The following RIT2 variants were observed in gnomAD, a reference collection of about 807,000 sequenced individuals.
RIT2 encodes the protein GTP-binding protein Rit2.
Under a neutral mutation model 23.7 loss-of-function variants are expected in RIT2, and 24 were observed. The observed-to-expected ratio is 1.01, with a 90% CI of 0.73 to 1.43. RIT2 has a LOEUF of 1.43. Among genes scored for constraint, RIT2 ranks in the 40% most tolerant of loss-of-function variants. The pLI is 0.00. For synonymous variants in RIT2, 107 were observed against 91.1 expected, an observed-to-expected ratio of 1.17 and a Z score of -0.99; for missense variants, 236 against 266.9, an observed-to-expected ratio of 0.88 and a Z score of 0.81.
chr18:42,863,690 T>A (rs1475192535), intron 4 of RIT2, among the ~76,000 whole-genome samples: 1 of 152,182 alleles, frequency 6.6e-6, no homozygotes, highest in Non-Finnish European at 1.5e-5. Context: ...AGTATATTCA[T>A]TGGAACCTTT....
chr18:43,065,650 T>C (rs1032972624), intron 1 of RIT2, among the ~76,000 whole-genome samples: 2 of 152,122 alleles, frequency 1.3e-5, no homozygotes, highest in African/African-American at 4.8e-5. Flanking sequence ...TCACCTCCTT[T>C]CATTTTATAA....
At chr18:42,808,869 C>T (rs1905760795) in intron 4 of RIT2, among the ~76,000 whole-genome samples, 1 of 152,004 alleles carries the variant, frequency 6.6e-6, no homozygotes. Flanking sequence ...TTACTAGTAA[C>T]AGTTACTAAA....
intron 4 of RIT2, among the ~76,000 whole-genome samples, chr18:42,888,627 G>A (rs534263532): frequency 6.6e-6 from 1 of 151,842 alleles, no homozygotes; most frequent in East Asian, 1.9e-4. Flanking sequence ...CACTGCTGCA[G>A]TATTCACAAT....
intron 2 of RIT2, among the ~76,000 whole-genome samples, chr18:43,004,061 C>T (rs549482050): frequency 2.0e-5 from 3 of 151,830 alleles, no homozygotes; most frequent in South Asian, 2.1e-4. Context: ...TTTCACCTGC[C>T]GAAAACAGTA....
intron 3 of RIT2, among the ~76,000 whole-genome samples, chr18:42,929,866 C>G (rs1018338116): frequency 6.6e-5 from 10 of 152,096 alleles, no homozygotes; most frequent in African/African-American, 2.4e-4. Context: ...ACAGGTGCCC[C>G]AGAGAGAACA....
chr18:43,018,503 G>C (rs547250788), intron 2 of RIT2, among the ~76,000 whole-genome samples: 143 of 151,942 alleles, frequency 9.4e-4, no homozygotes, highest in African/African-American at 3.3e-3. Context: ...TCAAAACAGA[G>C]AGAATTCATA....
chr18:42,765,595 G>A (rs914497799), intron 4 of RIT2, among the ~76,000 whole-genome samples: 1 of 152,162 alleles, frequency 6.6e-6, no homozygotes, highest in Non-Finnish European at 1.5e-5. Flanking sequence ...CCAAGCCCCA[G>A]GGAAAGCAGA....
At chr18:43,066,211 A>G (rs4890423) in intron 1 of RIT2, among the ~76,000 whole-genome samples, 47,815 of 152,000 alleles carry the variant, frequency 0.31, 7,800 homozygotes, top group East Asian at 0.44. Context: ...GTAAGCACAC[A>G]CACTGAAACC....
Position 43,063,346 on chromosome 18 carries a change from A to G in RIT2, c.104-29479T>C, listed in dbSNP as rs149021715. Among the ~76,000 whole-genome samples the G allele has an allele frequency of 7.6e-3, 1,154 of 152,242 alleles. 15 individuals carry two copies. Among genetic ancestry groups the G allele is most frequent in the Middle Eastern group, 0.041 (12 of 294 alleles). On this transcript the variant is annotated intron_variant, in intron 1 of 4. Coordinates refer to ENST00000326695, the MANE Select transcript of RIT2 (RefSeq NM_002930.4). The stretch of plus-strand genomic sequence containing the variant: ...TAGCCTGGTGTGTTGACCAATATTG[A>G]CTAACTTACTTGGCTCCATTGGTGA...
chr18:43,013,240 A>C (rs1023285735), intron 2 of RIT2, among the ~76,000 whole-genome samples: 1 of 151,918 alleles, frequency 6.6e-6, no homozygotes, highest in Non-Finnish European at 1.5e-5. Flanking sequence ...TTGTTTAAAA[A>C]TTGTTATAGT....
chr18:42,808,174 G>A (rs758123211), intron 4 of RIT2, among the ~76,000 whole-genome samples: 28 of 152,228 alleles, frequency 1.8e-4, no homozygotes, highest in South Asian at 6.2e-4. Context: ...CCATTCTCTC[G>A]CCTCAGAGTT....
intron 3 of RIT2, among the ~76,000 whole-genome samples, chr18:42,956,177 AAGGAT>A (rs1568039262): frequency 1.3e-5 from 2 of 152,126 alleles, no homozygotes; most frequent in African/African-American, 4.8e-5. Flanking sequence ...CTTAACATCC[AAGGAT>A]AGATCTACCT....
At chr18:42,844,053 A>G (rs1221243752) in intron 4 of RIT2, among the ~76,000 whole-genome samples, 4 of 152,182 alleles carry the variant, frequency 2.6e-5, no homozygotes, top group Non-Finnish European at 5.9e-5. Context: ...TAACAGGGGT[A>G]TATGTTTTCT....
At chr18:42,923,799 T>C (rs73473632) in intron 3 of RIT2, 36 bp from the exon 4 acceptor site, 34,342 of 1,496,834 alleles carry the variant, frequency 0.023, 733 homozygotes, top group African/African-American at 0.094. Flanking sequence ...GTTATGGGCT[T>C]TCAATATAGC....
intron 4 of RIT2, among the ~76,000 whole-genome samples, chr18:42,813,256 T>G (rs16976955): frequency 6.6e-6 from 1 of 152,158 alleles, no homozygotes; most frequent in African/African-American, 2.4e-5. Flanking sequence ...ATAAACATCA[T>G]TGGTTGAATT....
chr18:42,874,056 G>C (rs1907686214), intron 4 of RIT2, among the ~76,000 whole-genome samples: 1 of 152,152 alleles, frequency 6.6e-6, no homozygotes, highest in African/African-American at 2.4e-5. Context: ...CTGAGAGATG[G>C]AAGGGAGCAA....
At chr18:42,934,038 A>T in intron 3 of RIT2, among the ~76,000 whole-genome samples, 1 of 45,766 alleles carries the variant, frequency 2.2e-5, no homozygotes, top group Non-Finnish European at 5.5e-5. Context: ...AAAAAAAAAA[A>T]GAAAAAAAAA....
chr18:42,963,653 A>T (rs1910143711), intron 3 of RIT2, among the ~76,000 whole-genome samples: 1 of 152,150 alleles, frequency 6.6e-6, no homozygotes, highest in Non-Finnish European at 1.5e-5. Context: ...TGCACTTTGC[A>T]AGGCCAAGGA....
At chr18:43,111,176 G>T (rs1913944106) in intron 1 of RIT2, among the ~76,000 whole-genome samples, 1 of 152,146 alleles carries the variant, frequency 6.6e-6, no homozygotes, top group Non-Finnish European at 1.5e-5. Flanking sequence ...AGATCATTGT[G>T]TCAAGTGAAA....
Sources: allele counts gnomAD v4.1 joint callset (sites outside exome capture counted in the v4.1 genomes callset), GRCh38; gene constraint gnomAD v4.1.1; transcripts MANE v1.5; gene names NCBI Gene and HGNC (gene_info 2026-07-23, HGNC 2026-07-21).